Variants in SV2C observed in about 807,000 individuals in gnomAD.
SV2C encodes synaptic vesicle glycoprotein 2C.
Under a neutral mutation model 79.7 loss-of-function variants are expected in SV2C, and 49 were observed. The observed-to-expected ratio is 0.61, with a 90% confidence interval of 0.49 to 0.78. The LOEUF is 0.78. Among genes scored for constraint, SV2C ranks in the 30% least tolerant of loss-of-function variants. The pLI is 0.00. For synonymous variants in SV2C, 334 were observed against 333.2 expected, an observed-to-expected ratio of 1.00 and a Z score of -0.03; for missense variants, 833 against 912.9, an observed-to-expected ratio of 0.91 and a Z score of 1.13.
chr5:76,206,553 A>G (rs1264382696), intron 3 of SV2C, among the ~76,000 whole-genome samples: 1 of 152,226 alleles, frequency 6.6e-6, no homozygotes, highest in Non-Finnish European at 1.5e-5. Context: ...AGTGAGGTGT[A>G]TCTTTCTATT....
the SV2C span, among the ~76,000 whole-genome samples, chr5:75,867,130 A>G: frequency 6.6e-6 from 1 of 152,186 alleles, no homozygotes; most frequent in Non-Finnish European, 1.5e-5. Flanking sequence ...CTGTGCCTTG[A>G]GGAAGTCTCC....
chr5:76,036,589 A>G, the SV2C span, among the ~76,000 whole-genome samples: 1 of 152,152 alleles, frequency 6.6e-6, no homozygotes, highest in Non-Finnish European at 1.5e-5. Flanking sequence ...CTCTTCTGGC[A>G]TGTAGAATTT....
At chr5:75,883,036 G>T in the SV2C span, among the ~76,000 whole-genome samples, 10 of 146,592 alleles carry the variant, frequency 6.8e-5, no homozygotes, top group Non-Finnish European at 1.2e-4. Context: ...CAAAGGACAT[G>T]AACAGACACT....
the SV2C span, among the ~76,000 whole-genome samples, chr5:75,970,832 G>C: frequency 2.6e-5 from 4 of 152,222 alleles, no homozygotes; most frequent in East Asian, 3.9e-4. Flanking sequence ...TATGAGGCCA[G>C]CATCATCCCG....
chr5:76,041,521 A>AGG, the SV2C span, among the ~76,000 whole-genome samples: 1 of 152,252 alleles, frequency 6.6e-6, no homozygotes, highest in South Asian at 2.1e-4. Context: ...AGAGAGCCTA[A>AGG]AAGCAAGCTC....
intron 3 of SV2C, among the ~76,000 whole-genome samples, chr5:76,195,786 A>T (rs1466771103): frequency 6.6e-6 from 1 of 152,238 alleles, no homozygotes; most frequent in Non-Finnish European, 1.5e-5. Context: ...TAGTAAAAAT[A>T]TAAAATTTTT....
chr5:76,112,819 A>G (rs1382129385), intron 1 of SV2C, among the ~76,000 whole-genome samples: 3 of 152,224 alleles, frequency 2.0e-5, no homozygotes, highest in African/African-American at 7.2e-5. Context: ...GATGTCAATC[A>G]TGTATTTCTG....
chr5:75,903,025 T>G, the SV2C span, among the ~76,000 whole-genome samples: 1 of 152,288 alleles, frequency 6.6e-6, no homozygotes, highest in South Asian at 2.1e-4. Context: ...TGGATTCTTG[T>G]TTTTATTTTT....
chr5:75,981,725 G>T, the SV2C span, among the ~76,000 whole-genome samples: 6 of 152,214 alleles, frequency 3.9e-5, no homozygotes, highest in East Asian at 1.2e-3. Context: ...ACTCAAGATG[G>T]ATTAAAGACT....
At chr5:76,300,994 T>G in intron 11 of SV2C, 62 bp downstream of exon 11, 1 of 1,573,818 alleles carries the variant, frequency 6.4e-7, no homozygotes, top group Non-Finnish European at 8.7e-7. Flanking sequence ...GGACCCTGTT[T>G]CCCCCTGTAC....
intron 2 of SV2C, chr5:76,174,006 C>T: frequency 6.4e-7 from 1 of 1,566,740 alleles, no homozygotes; most frequent in Non-Finnish European, 8.8e-7. Context: ...TGCTCCGTTC[C>T]TGCAGTATCC....
the SV2C span, among the ~76,000 whole-genome samples, chr5:75,937,249 C>T: frequency 9.2e-5 from 14 of 152,170 alleles, no homozygotes; most frequent in African/African-American, 3.4e-4. Context: ...AATTGTCATA[C>T]TCTTTGTGAA....
intron 2 of SV2C, among the ~76,000 whole-genome samples, chr5:76,182,921 G>A (rs1446870659): frequency 3.1e-5 from 4 of 127,802 alleles, no homozygotes; most frequent in Non-Finnish European, 4.8e-5. Flanking sequence ...GAGAGAGAGT[G>A]TGTGTGTGTG....
At chr5:76,185,790 C>T (rs928941057) in intron 2 of SV2C, among the ~76,000 whole-genome samples, 5 of 152,206 alleles carry the variant, frequency 3.3e-5, no homozygotes, top group African/African-American at 7.2e-5. Context: ...AGACATTTTC[C>T]CCATTGTCCT....
the SV2C span, among the ~76,000 whole-genome samples, chr5:76,059,636 C>T: frequency 6.6e-6 from 1 of 152,064 alleles, no homozygotes; most frequent in Non-Finnish European, 1.5e-5. Flanking sequence ...ATTACTTCCT[C>T]CATTGAAGTC....
At chr5:76,286,128 C>T (rs528085249) in intron 6 of SV2C, among the ~76,000 whole-genome samples, 3 of 152,260 alleles carry the variant, frequency 2.0e-5, no homozygotes, top group African/African-American at 7.2e-5. Context: ...TTATGCCTAT[C>T]TAGGACTCGA....
the SV2C span, among the ~76,000 whole-genome samples, chr5:76,038,113 C>G: frequency 1.3e-5 from 2 of 152,360 alleles, no homozygotes; most frequent in African/African-American, 2.4e-5. Context: ...ACGCACGGTG[C>G]GTGCACCCAC....
At chr5:76,009,575 CA>C in the SV2C span, among the ~76,000 whole-genome samples, 4 of 152,212 alleles carry the variant, frequency 2.6e-5, no homozygotes, top group Non-Finnish European at 4.4e-5. Context: ...GAAAACTACA[CA>C]GCCATGAGAA....
At chr5:76,255,059 C>T (rs745882211) in intron 4 of SV2C, among the ~76,000 whole-genome samples, 2 of 152,094 alleles carry the variant, frequency 1.3e-5, no homozygotes, top group Non-Finnish European at 2.9e-5. Flanking sequence ...AGATTTTGAG[C>T]TTTTCCCTAT....
Sources: gnomAD v4.1 joint callset for allele counts (sites outside exome capture counted in the v4.1 genomes callset) on GRCh38, gnomAD v4.1.1 for gene constraint, MANE v1.5 for transcripts, NCBI Gene and HGNC (gene_info 2026-07-23, HGNC 2026-07-21) for gene names.